The following FDFT1 variants were observed in gnomAD, a reference collection of about 807,000 sequenced individuals.
FDFT1 encodes farnesyl-diphosphate farnesyltransferase 1, also known as squalene synthase.
FDFT1 carries 68 observed loss-of-function variants against 46.8 expected under a neutral mutation model. That is an observed-to-expected ratio of 1.45 (90% CI 1.19 to 1.78). The LOEUF is 1.78. Among genes scored for constraint, FDFT1 ranks in the 40% most tolerant of loss-of-function variants. FDFT1 has a pLI of 0.00. For missense variants in FDFT1, 928 were observed against 524.4 expected, an observed-to-expected ratio of 1.77 and a Z score of -7.52; for synonymous variants, 351 against 185.1, an observed-to-expected ratio of 1.90 and a Z score of -7.28.
In FDFT1 at chr8:11,822,173, G is replaced by C. The variant is rs191733145; in HGVS notation, c.510+295G>C. ...AAACTACACATCAAAACATAAGGTA[G>C]GGTTAGGAGTCTTGCCTATTTTTCA... On this transcript the variant is annotated intron_variant, in intron 4 of 7. Coordinates refer to ENST00000220584, the MANE Select transcript of FDFT1 (RefSeq NM_004462.5). Among the ~76,000 whole-genome samples the C allele has an allele frequency of 9.5e-4, 145 of 152,318 alleles. 1 individual carries two copies. The highest frequency in any genetic ancestry group is 3.4e-3 in the African/African-American group (143 of 41,584).
chr8:11,809,161 C>A (rs910120781), intron 2 of FDFT1: 10 of 1,287,624 alleles, frequency 7.8e-6, no homozygotes, highest in Non-Finnish European at 9.9e-6. Context: ...GCTGAACCTG[C>A]CTGTGAGCAG....
At chr8:11,808,722 TC>T (rs1807252720) in intron 1 of FDFT1, 71 bp from the exon 2 acceptor site, 2 of 1,546,848 alleles carry the variant, frequency 1.3e-6, no homozygotes, top group African/African-American at 1.5e-5. Flanking sequence ...CCACTCCCAC[TC>T]CCACTCCCAC....
At chr8:11,822,082 C>T (rs748882129) in intron 4 of FDFT1, among the ~76,000 whole-genome samples, 11 of 152,214 alleles carry the variant, frequency 7.2e-5, no homozygotes, top group Non-Finnish European at 1.5e-4. Flanking sequence ...ATCAGCCAGG[C>T]TAGGAGTAGG....
rs768373931 is a variant in FDFT1 at position 11,809,802 on chromosome 8, C to T, written c.333C>T (p.Phe111=). ...HSFLYQPDWR[F]MESKEKDRQV... ...TCCTTTACCAACCAGACTGGCGGTT[C>T]ATGGAGAGCAAGGAGAAGGATCGCC... Residue 111 remains phenylalanine (F), a synonymous_variant, in exon 3 of 8, where the codon TTC becomes TTT. Coordinates refer to ENST00000220584, the MANE Select transcript of FDFT1 (RefSeq NM_004462.5). 4 of 1,613,996 alleles carry T rather than the reference C, an allele frequency of 2.5e-6. No individual in the cohort carries two copies. The East Asian group carries it at 6.7e-5, about 27-fold the overall frequency.
Position 11,813,162 on chromosome 8 carries a change from TA to T in FDFT1, c.381+3314del, listed in dbSNP as rs1807971323. On this transcript the variant is annotated intron_variant, in intron 3 of 7. Coordinates refer to ENST00000220584, the MANE Select transcript of FDFT1 (RefSeq NM_004462.5). The stretch of plus-strand genomic sequence containing the variant: ...TAGTAAAAACAGGGTGTTACAGTCT[TA>T]AGGGCCCACCATTGTATTTCCAGTC... Among the ~76,000 whole-genome samples, 6 of 152,306 alleles carry T rather than the reference TA, an allele frequency of 3.9e-5. No individual in the cohort carries two copies. In the South Asian group the frequency reaches 1.2e-3, roughly 32 times the overall value.
At chr8:11,822,568 C>T (rs922418727) in intron 4 of FDFT1, among the ~76,000 whole-genome samples, 1 of 152,170 alleles carries the variant, frequency 6.6e-6, no homozygotes, top group African/African-American at 2.4e-5. Context: ...AATCTCAGCA[C>T]TTTGGGAGGC....
Position 11,832,941 on chromosome 8 carries a change from A to G in FDFT1, c.1032+1271A>G, listed in dbSNP as rs1048824957. Among the ~76,000 whole-genome samples, 5 of 152,216 alleles carry G rather than the reference A, an allele frequency of 3.3e-5. No homozygotes were observed. The South Asian group carries it at 1.0e-3, about 31-fold the overall frequency. ...ACGCGTTTACAGGAATATGGTTTGC[A>G]ACAGTGTTTTCATCTAAATAGAATT... On this transcript the variant is annotated intron_variant, in intron 7 of 7. Transcript: ENST00000220584.
In FDFT1 at chr8:11,808,800, C is replaced by G; in HGVS notation, c.106C>G (p.Leu36Val). 1.2e-6 allele frequency: 2 copies of G among 1,613,596 alleles called. No individual in the cohort carries two copies. Among genetic ancestry groups the G allele is most frequent in the South Asian group, 1.1e-5 (1 of 90,770 alleles). ...GTGTGTTGTCTGCCCGCAGGACTCGCTCAGCAGCAGCCTGAAAACTTGCTA... is the reference window on the plus strand; with the variant it reads ...GTGTGTTGTCTGCCCGCAGGACTCGGTCAGCAGCAGCCTGAAAACTTGCTA... Reference protein sequence around the residue: ...KVMPKMDQDSLSSSLKTCYKY... With the variant: ...KVMPKMDQDSVSSSLKTCYKY... The change falls in exon 2 of 8, where the codon CTC becomes GTC. Residue 36 changes from leucine (L) to valine (V), a missense_variant. Transcript: ENST00000220584.
chr8:11,807,430 A>AG (rs1218445921), intron 1 of FDFT1, among the ~76,000 whole-genome samples: 1 of 152,196 alleles, frequency 6.6e-6, no homozygotes, highest in African/African-American at 2.4e-5. Context: ...TCCGAAGTGC[A>AG]GGGATTATAG....
intron 7 of FDFT1, among the ~76,000 whole-genome samples, chr8:11,836,380 C>G (rs1429954559): frequency 1.3e-5 from 2 of 152,224 alleles, no homozygotes; most frequent in African/African-American, 2.4e-5. Flanking sequence ...GCCTTCTGCT[C>G]CAGAGACCTC....
chr8:11,829,522 G>GT (rs1251279631), intron 5 of FDFT1, among the ~76,000 whole-genome samples: 1 of 152,220 alleles, frequency 6.6e-6, no homozygotes, highest in African/African-American at 2.4e-5. Context: ...TCATTATTTA[G>GT]AGGCCTGGCC....
chr8:11,824,037 A>T (rs187328063), intron 4 of FDFT1, among the ~76,000 whole-genome samples: 1 of 151,800 alleles, frequency 6.6e-6, no homozygotes, highest in African/African-American at 2.4e-5. Context: ...GCCTTTTAAA[A>T]TTTTTTACAG....
intron 5 of FDFT1, among the ~76,000 whole-genome samples, chr8:11,829,057 C>G (rs1810407647): frequency 6.6e-6 from 1 of 152,158 alleles, no homozygotes; most frequent in African/African-American, 2.4e-5. Context: ...GCAGCTCGAA[C>G]CTTGTGAGGA....
upstream of FDFT1, chr8:11,802,541 G>T: frequency 1.8e-6 from 1 of 569,672 alleles, no homozygotes; most frequent in Non-Finnish European, 3.3e-6. Context: ...TGAGCTTCTA[G>T]AGTGTTATCA....
exon 1 of FDFT1, chr8:11,795,826 C>G (rs1043914451): frequency 6.6e-6 from 1 of 152,614 alleles, no homozygotes; most frequent in Non-Finnish European, 1.5e-5. Context: ...CCTGAGCCAG[C>G]GAGACCACGA....
intron 4 of FDFT1, among the ~76,000 whole-genome samples, chr8:11,823,360 A>C (rs1809521713): frequency 6.6e-6 from 1 of 152,194 alleles, no homozygotes; most frequent in Admixed American, 6.5e-5. Flanking sequence ...ATATTTTTGG[A>C]TAGTACTATA....
upstream of FDFT1, chr8:11,802,198 C>G: frequency 2.3e-6 from 1 of 428,878 alleles, no homozygotes; most frequent in Non-Finnish European, 4.6e-6. Flanking sequence ...GGGCTGTGCT[C>G]GGGTGTGTTA....
intron 5 of FDFT1, among the ~76,000 whole-genome samples, chr8:11,828,899 T>C (rs931001211): frequency 2.6e-5 from 4 of 152,218 alleles, no homozygotes; most frequent in Non-Finnish European, 4.4e-5. Context: ...CATTTATCCA[T>C]TCATCAGTTG....
At chr8:11,836,957 G>C (rs1178948653) in intron 7 of FDFT1, among the ~76,000 whole-genome samples, 1 of 152,248 alleles carries the variant, frequency 6.6e-6, no homozygotes, top group African/African-American at 2.4e-5. Context: ...TGAGTAAGTA[G>C]GTGCGGTGTA....
Sources: gnomAD v4.1 joint callset for allele counts (sites outside exome capture counted in the v4.1 genomes callset) on GRCh38, gnomAD v4.1.1 for gene constraint, MANE v1.5 for transcripts, NCBI Gene and HGNC (gene_info 2026-07-23, HGNC 2026-07-21) for gene names.